MSTO1: variants seen among roughly 807,000 people sequenced by gnomAD.
The protein encoded by MSTO1 is misato mitochondrial distribution and morphology regulator 1, also known as protein misato homolog 1.
MSTO1 carries 24 observed loss-of-function variants against 55.7 expected under a neutral mutation model. That is an observed-to-expected ratio of 0.43 (90% CI 0.31 to 0.61). MSTO1 has a LOEUF of 0.61. Among genes scored for constraint, MSTO1 ranks in the 20% least tolerant of loss-of-function variants. MSTO1 has a pLI of 0.09. For synonymous variants in MSTO1, 162 were observed against 252.8 expected, an observed-to-expected ratio of 0.64 and a Z score of 3.41; for missense variants, 363 against 625.7, an observed-to-expected ratio of 0.58 and a Z score of 4.48.
the MSTO1 span, among the ~76,000 whole-genome samples, chr1:155,567,348 G>A: frequency 7.8e-6 from 1 of 127,794 alleles, no homozygotes; most frequent in South Asian, 2.4e-4. Context: ...GTCTCGTTCT[G>A]TCGCCCAGGC....
At position 155,610,299 on chromosome 1, in the gene MSTO1, C is replaced by T. The variant is rs757329280; in HGVS notation, c.51C>T (p.Ala17=). 6 of 1,101,166 alleles carry T rather than the reference C, an allele frequency of 5.4e-6. No individual in the cohort carries two copies. Among genetic ancestry groups the T allele is most frequent in the East Asian group, 2.4e-5 (1 of 40,970 alleles). The allele number at this position is 1,101,166 out of a possible 1,614,324, so 68.2% of individuals were successfully genotyped here. The change falls in exon 1 of 14, where the codon GCC becomes GCT. Residue 17 remains alanine, a synonymous_variant. Transcript: ENST00000245564. ...TCACACTGCAGTTGGGACATTTTGC[C>T]GGTTTCGTGGGCGCGCACTGGTGGA... ...EVLTLQLGHF[A]GFVGAHWWNQ... is the part of the protein sequence containing the mutation.
the MSTO1 span, among the ~76,000 whole-genome samples, chr1:155,595,949 G>A: frequency 0.02 from 3,107 of 152,202 alleles, 104 homozygotes; most frequent in African/African-American, 0.072. Flanking sequence ...GCATTTTCTA[G>A]TCCAGTTCCC....
At chr1:155,577,302 A>G in the MSTO1 span, among the ~76,000 whole-genome samples, 1 of 151,586 alleles carries the variant, frequency 6.6e-6, no homozygotes, top group South Asian at 2.1e-4. Context: ...GTTAGCCAGG[A>G]TGGTCTCGAT....
the MSTO1 span, chr1:155,586,786 C>T: frequency 2.5e-6 from 1 of 407,486 alleles, no homozygotes; most frequent in Non-Finnish European, 4.9e-6. Flanking sequence ...CTTGCTCTGT[C>T]ACCCTGGCTG....
chr1:155,595,491 CTTT>C, the MSTO1 span, among the ~76,000 whole-genome samples: 3 of 119,660 alleles, frequency 2.5e-5, no homozygotes, highest in Non-Finnish European at 3.6e-5. Flanking sequence ...ATTTCTTTTT[CTTT>C]TTTTTTTTTT....
chr1:155,584,333 T>A, the MSTO1 span, among the ~76,000 whole-genome samples: 1 of 151,904 alleles, frequency 6.6e-6, no homozygotes, highest in South Asian at 2.1e-4. Context: ...TACTCCAGCC[T>A]AGGTGGCAGA....
At chr1:155,577,714 A>G in the MSTO1 span, among the ~76,000 whole-genome samples, 3 of 152,130 alleles carry the variant, frequency 2.0e-5, no homozygotes, top group African/African-American at 4.8e-5. Flanking sequence ...TTCTAGGTCT[A>G]TGGCATTTCC....
In MSTO1 at chr1:155,613,127, G is replaced by A; in HGVS notation, c.1177G>A (p.Gly393Arg). ...SLPDSLMQFG[G>R]ATPWTPLSAC... Reference sequence around the variant, plus strand: ...TCCTGATTCCCTGATGCAGTTTGGAGGAGCCACCCCATGGACCCCACTGTC... The same window carrying A: ...TCCTGATTCCCTGATGCAGTTTGGAAGAGCCACCCCATGGACCCCACTGTC... The change falls in exon 11 of 14, where the codon GGA becomes AGA. Residue 393 changes from glycine (G) to arginine (R), a missense_variant. Around this residue, in one of 3 missense-constraint regions of MSTO1, gnomAD observed 231 missense variants for 286.9 expected, o/e 0.81. Coordinates refer to ENST00000245564, the MANE Select transcript of MSTO1 (RefSeq NM_018116.4). 1.2e-6 allele frequency: 2 copies of A among 1,613,896 alleles called. No homozygotes were observed. Among genetic ancestry groups the A allele is most frequent in the Non-Finnish European group, 1.7e-6 (2 of 1,179,968 alleles).
the MSTO1 span, among the ~76,000 whole-genome samples, chr1:155,585,915 A>G: frequency 5.4e-4 from 82 of 151,960 alleles, 2 homozygotes; most frequent in South Asian, 0.017. Context: ...CCAAATAATC[A>G]ATGAAGTTTT....
chr1:155,601,159 A>T, the MSTO1 span, among the ~76,000 whole-genome samples: 2 of 149,522 alleles, frequency 1.3e-5, no homozygotes, highest in East Asian at 2.0e-4. Flanking sequence ...TTTGAAATGG[A>T]GTCTCACTCT....
In MSTO1 at chr1:155,611,284, G is replaced by A; in HGVS notation, c.359G>A (p.Ser120Asn). The A allele has an allele frequency of 1.9e-6, 3 of 1,613,456 alleles. No homozygotes were observed. The highest frequency in any genetic ancestry group is 1.7e-6 in the Non-Finnish European group (2 of 1,179,762). ...AACCCTTATCTCCAAGACTTTCTGA[G>A]TGCAGAGGTGAGGGCCTCTGTCCTG... ...PKNPYLQDFLSAEGVLSSDGV... is the reference protein window; with the variant it reads ...PKNPYLQDFLNAEGVLSSDGV... Residue 120 changes from serine (S) to asparagine (N), a missense_variant, in exon 4 of 14, where the codon AGT (serine) becomes AAT (asparagine). Physicochemically the swap from Ser to Asn is conservative, Grantham distance 46. Around this residue, in one of 3 missense-constraint regions of MSTO1, gnomAD observed 94 missense variants for 212.4 expected, o/e 0.44. Coordinates refer to ENST00000245564, the MANE Select transcript of MSTO1 (RefSeq NM_018116.4).
At chr1:155,570,334 G>A in the MSTO1 span, among the ~76,000 whole-genome samples, 5 of 152,266 alleles carry the variant, frequency 3.3e-5, no homozygotes, top group East Asian at 3.9e-4. Context: ...TCTGAGTAAC[G>A]TGATGAAATT....
At chr1:155,585,536 A>G in the MSTO1 span, among the ~76,000 whole-genome samples, 54 of 151,864 alleles carry the variant, frequency 3.6e-4, no homozygotes, top group Non-Finnish European at 6.0e-4. Context: ...AAAAAAAAAA[A>G]AAAAGAAAAG....
chr1:155,594,185 T>C, the MSTO1 span, among the ~76,000 whole-genome samples: 2 of 151,784 alleles, frequency 1.3e-5, no homozygotes, highest in African/African-American at 4.8e-5. Flanking sequence ...GTGGATCACA[T>C]GAAGCTAAGA....
chr1:155,597,814 C>T, the MSTO1 span, among the ~76,000 whole-genome samples: 1 of 145,366 alleles, frequency 6.9e-6, no homozygotes, highest in Admixed American at 6.9e-5. Context: ...CCAGCCACTA[C>T]TTTTTGTCTT....
upstream of MSTO1, among the ~76,000 whole-genome samples, chr1:155,607,322 G>T (rs962860398): frequency 6.6e-6 from 1 of 151,718 alleles, no homozygotes; most frequent in Admixed American, 6.6e-5. Context: ...TTACAGGCAC[G>T]TGCCACCACG....
At chr1:155,586,635 C>A in the MSTO1 span, 1 of 356,662 alleles carries the variant, frequency 2.8e-6, no homozygotes. Context: ...TTACCTTTCA[C>A]TTTTTTTTTT....
chr1:155,598,990 T>A, the MSTO1 span: 12 of 864,426 alleles, frequency 1.4e-5, no homozygotes, highest in Non-Finnish European at 2.0e-5. Flanking sequence ...GTAGCTTTAA[T>A]TTTCTAACGG....
chr1:155,578,362 T>TTTTTTTTTTTTC, the MSTO1 span, among the ~76,000 whole-genome samples: 2 of 140,448 alleles, frequency 1.4e-5, no homozygotes, highest in African/African-American at 5.3e-5. Context: ...TTTTTTTTTT[T>TTTTTTTTTTTTC]TTGAGATAGA....
Sources: gnomAD v4.1 joint callset for allele counts (sites outside exome capture counted in the v4.1 genomes callset) on GRCh38, gnomAD v4.1.1 for gene constraint, gnomAD v4.1.1 regional missense constraint, MANE v1.5 for transcripts, NCBI Gene and HGNC (gene_info 2026-07-23, HGNC 2026-07-21) for gene names.